The following RAPGEF1 variants were observed in gnomAD, a reference collection of about 807,000 sequenced individuals.
The protein encoded by RAPGEF1 is Rap guanine nucleotide exchange factor 1.
RAPGEF1 carries 33 observed loss-of-function variants against 143.3 expected under a neutral mutation model. The ratio of observed to expected loss-of-function variants is 0.23; its 90% confidence interval spans 0.17 to 0.31. The LOEUF (loss-of-function observed/expected upper bound fraction) is 0.31, where lower values mean the gene tolerates loss of function less well. Ranked by LOEUF, RAPGEF1 falls within the 10% of genes least tolerant of loss-of-function variation. The pLI, the probability that RAPGEF1 is intolerant of heterozygous loss-of-function variation, is 1.00. For synonymous variants in RAPGEF1, 629 were observed against 676.5 expected (o/e 0.93, Z 1.09); for missense variants, 1,199 against 1,645.4 (o/e 0.73, Z 4.69).
intron 1 of RAPGEF1, among the ~76,000 whole-genome samples, chr9:131,715,702 G>A (rs1835813469): frequency 6.6e-6 from 1 of 151,660 alleles, no homozygotes; most frequent in East Asian, 1.9e-4. Flanking sequence ...CATCTCTACT[G>A]AAAATACAAA....
At chr9:131,610,966 C>T (rs899715391) in intron 12 of RAPGEF1, among the ~76,000 whole-genome samples, 1 of 152,226 alleles carries the variant, frequency 6.6e-6, no homozygotes, top group South Asian at 2.1e-4. Context: ...ATACCTCTGG[C>T]TTTGTCTTCT....
intron 1 of RAPGEF1, among the ~76,000 whole-genome samples, chr9:131,715,512 A>G (rs1329193359): frequency 6.6e-6 from 1 of 152,040 alleles, no homozygotes; most frequent in African/African-American, 2.4e-5. Flanking sequence ...CCACGTGTTC[A>G]TTCTTCTGGG....
rs1421068831 is a variant in RAPGEF1, at chr9:131,638,616, C to G, written c.651+19G>C. On this transcript the variant is annotated intron_variant, in intron 5 of 26. Coordinates refer to ENST00000683357, the MANE Select transcript of RAPGEF1 (RefSeq NM_001377935.1). ...GCTCTAAGTCCCTGACTGGGACTGT[C>G]TGGAACCTGCACCGGTACCTTCACT... The G allele has an allele frequency of 3.7e-6, 6 of 1,613,598 alleles. No homozygotes were observed. In the Admixed American group the frequency reaches 6.7e-5, roughly 18 times the overall value.
intron 17 of RAPGEF1, 131 bp downstream of exon 17, chr9:131,596,167 A>T (rs1226658146): frequency 1.3e-6 from 1 of 773,690 alleles, no homozygotes; most frequent in South Asian, 1.6e-5. Flanking sequence ...GCTCTGACTC[A>T]GGCGCACCAG....
chr9:131,666,127 A>C (rs1424877817), intron 1 of RAPGEF1, among the ~76,000 whole-genome samples: 1 of 152,242 alleles, frequency 6.6e-6, no homozygotes, highest in African/African-American at 2.4e-5. Context: ...TCAGAGATGT[A>C]GATAAGATGG....
intron 1 of RAPGEF1, among the ~76,000 whole-genome samples, chr9:131,695,179 G>C (rs974368585): frequency 6.6e-6 from 1 of 152,130 alleles, no homozygotes; most frequent in African/African-American, 2.4e-5. Context: ...TTAGATAAAT[G>C]CATGAACGTG....
Position 131,584,460 on chromosome 9 carries a change from CG to C in RAPGEF1, c.3313-49del, listed in dbSNP as rs769669168. The C allele has an allele frequency of 1.2e-5, 20 of 1,613,128 alleles. No homozygotes were observed. Among genetic ancestry groups the C allele is most frequent in the Non-Finnish European group, 1.6e-5 (19 of 1,179,078 alleles). On this transcript the variant is annotated intron_variant, in intron 23 of 26. Transcript: ENST00000683357. This position sits in a 1 kb window ranked among gnomAD's most constrained non-coding sequence, Gnocchi z 6.8. ...GTGAGGCAGGAGGGCAGGCGGGTCCCGGGCTCCCAGAGCAGGGACTGATGAT... is the reference window on the plus strand; with the variant it reads ...GTGAGGCAGGAGGGCAGGCGGGTCCCGGCTCCCAGAGCAGGGACTGATGAT...
chr9:131,582,578 T>C, intron 25 of RAPGEF1, 27 bp downstream of exon 25: 1 of 1,463,592 alleles, frequency 6.8e-7, no homozygotes, highest in Non-Finnish European at 9.1e-7. Context: ...CAGGCGGGGC[T>C]GGGGGCCTGG....
At chr9:131,631,632 G>A (rs1964877791) in intron 5 of RAPGEF1, among the ~76,000 whole-genome samples, 1 of 152,252 alleles carries the variant, frequency 6.6e-6, no homozygotes, top group African/African-American at 2.4e-5. Flanking sequence ...GGGCAACACA[G>A]TAACCAGAGA....
chr9:131,597,990 T>G (rs1955590661), intron 16 of RAPGEF1, among the ~76,000 whole-genome samples: 1 of 152,152 alleles, frequency 6.6e-6, no homozygotes, highest in Non-Finnish European at 1.5e-5. Context: ...TAAGATGACT[T>G]TCTATAAGCA....
At chr9:131,690,655 T>C (rs1159037272) in intron 1 of RAPGEF1, among the ~76,000 whole-genome samples, 2 of 151,234 alleles carry the variant, frequency 1.3e-5, no homozygotes, top group Admixed American at 6.6e-5. Flanking sequence ...GATACAAAAT[T>C]AGTCAGGCAT....
chr9:131,582,562 C>T (rs1297784814), intron 25 of RAPGEF1, 43 bp downstream of exon 25: 2 of 1,393,084 alleles, frequency 1.4e-6, no homozygotes, highest in Non-Finnish European at 9.6e-7. Flanking sequence ...GCAATGGAGG[C>T]AAACCCAGGC....
chr9:131,597,046 C>T (rs575685375), intron 16 of RAPGEF1, among the ~76,000 whole-genome samples: 12 of 152,164 alleles, frequency 7.9e-5, no homozygotes, highest in African/African-American at 2.2e-4. Context: ...GGCCACCCAG[C>T]GTAGAGCCAA....
chr9:131,622,200 G>A (rs749733600), intron 10 of RAPGEF1, among the ~76,000 whole-genome samples: 10 of 152,128 alleles, frequency 6.6e-5, no homozygotes, highest in Admixed American at 1.3e-4. Context: ...CGTCCAGACC[G>A]GCAGACGCGC....
chr9:131,585,366 G>C (rs953723272), intron 22 of RAPGEF1, among the ~76,000 whole-genome samples: 2 of 151,548 alleles, frequency 1.3e-5, no homozygotes, highest in African/African-American at 4.9e-5. Context: ...TTTTGTAGGG[G>C]GGGGGCGTCT....
intron 18 of RAPGEF1, 69 bp downstream of exon 18, chr9:131,592,030 G>T (rs1457606640): frequency 5.6e-6 from 7 of 1,254,648 alleles, no homozygotes; most frequent in Non-Finnish European, 6.9e-6. Context: ...AGGACTGAAG[G>T]GCAAGAGGGT....
chr9:131,674,633 G>A (rs546481709), intron 1 of RAPGEF1, among the ~76,000 whole-genome samples: 2 of 152,100 alleles, frequency 1.3e-5, no homozygotes, highest in African/African-American at 4.8e-5. Flanking sequence ...GCGCGTGGAG[G>A]TGGGAACCGC....
chr9:131,712,645 T>C (rs1240493519), intron 1 of RAPGEF1, among the ~76,000 whole-genome samples: 1 of 152,204 alleles, frequency 6.6e-6, no homozygotes, highest in Non-Finnish European at 1.5e-5. Flanking sequence ...GGCTCAGGTG[T>C]GCCCTCTCTC....
chr9:131,635,075 C>T (rs184822976), intron 5 of RAPGEF1, among the ~76,000 whole-genome samples: 57 of 152,158 alleles, frequency 3.7e-4, no homozygotes, highest in African/African-American at 1.3e-3. Context: ...TATCTTTTAC[C>T]TGAGATGATA....
Sources: gnomAD v4.1 joint callset for allele counts (sites outside exome capture counted in the v4.1 genomes callset) on GRCh38, gnomAD v4.1.1 for gene constraint, Gnocchi (gnomAD v3.1) non-coding constraint, MANE v1.5 for transcripts, NCBI Gene and HGNC (gene_info 2026-07-23, HGNC 2026-07-21) for gene names.